The following GRK3 variants were observed in gnomAD, a reference collection of about 807,000 sequenced individuals.
GRK3 encodes the protein adrenergic, beta, receptor kinase 2.
Under a neutral mutation model 95.7 loss-of-function variants are expected in GRK3, and 54 were observed. That is an observed-to-expected ratio of 0.56 (90% CI 0.45 to 0.71). GRK3 has a LOEUF of 0.71. Ranked by LOEUF, GRK3 falls within the 30% of genes least tolerant of loss-of-function variation. GRK3 has a pLI of 0.00. For missense variants in GRK3, 649 were observed against 851.2 expected, an observed-to-expected ratio of 0.76 and a Z score of 2.96; for synonymous variants, 281 against 290.8, an observed-to-expected ratio of 0.97 and a Z score of 0.34.
intron 2 of GRK3, among the ~76,000 whole-genome samples, chr22:25,610,889 C>G (rs113518839): frequency 2.0e-5 from 3 of 151,808 alleles, no homozygotes; most frequent in African/African-American, 7.3e-5. Context: ...TGAGATAGAG[C>G]CTTGCTGTGC....
rs777315402 is a variant in GRK3, at chr22:25,704,114, G to A, written c.1233G>A (p.Val411=). The A allele has an allele frequency of 5.0e-6, 8 of 1,610,530 alleles. No individual in the cohort carries two copies. In the Admixed American group the frequency reaches 5.0e-5, roughly 10 times the overall value. ...CTTACTCGTCTTTTCCCCAGAATGT[G>A]GAACTTCCAGACACCTTCTCTCCTG... ...EIDRMTLTVN[V]ELPDTFSPEL... The change falls in exon 15 of 21, where the codon GTG becomes GTA. Residue 411 remains valine (V), a synonymous_variant. Coordinates refer to ENST00000324198, the MANE Select transcript of GRK3 (RefSeq NM_005160.4).
intron 2 of GRK3, among the ~76,000 whole-genome samples, chr22:25,618,926 C>T (rs1290156827): frequency 4.6e-5 from 7 of 152,110 alleles, no homozygotes; most frequent in Admixed American, 3.3e-4. Context: ...TCTGAAAGAC[C>T]GCAACCCTTT....
In GRK3 at chr22:25,704,209, G is replaced by C. The variant is rs2085281705; in HGVS notation, c.1328G>C (p.Gly443Ala). The change falls in exon 15 of 21, where the codon GGC becomes GCC. Residue 443 changes from glycine (G) to alanine (A), a missense_variant and splice_region_variant. Gly to Ala is a moderately conservative substitution (Grantham distance 60). Around this residue, in one of 3 missense-constraint regions of GRK3, gnomAD observed 382 missense variants for 493.8 expected, o/e 0.77. Transcript: ENST00000324198. ...VSKRLGCHGGGSQEVKEHSFF... is the reference protein window; with the variant it reads ...VSKRLGCHGGASQEVKEHSFF... ...AAGCGGCTGGGCTGTCACGGAGGCG[G>C]GTAGGCCATTGTTCCTGCCTTTCGG... 1 of 1,610,226 alleles carries C rather than the reference G, an allele frequency of 6.2e-7. No individual in the cohort carries two copies. The highest frequency in any genetic ancestry group is 8.5e-7 in the Non-Finnish European group (1 of 1,177,782).
At chr22:25,684,014 A>C (rs1442566709) in intron 9 of GRK3, among the ~76,000 whole-genome samples, 2 of 152,188 alleles carry the variant, frequency 1.3e-5, no homozygotes, top group Non-Finnish European at 2.9e-5. Flanking sequence ...AATCTACATC[A>C]GCTGGAAATG....
chr22:25,621,469 G>T (rs1601480832), intron 2 of GRK3, among the ~76,000 whole-genome samples: 2 of 152,180 alleles, frequency 1.3e-5, no homozygotes, highest in South Asian at 4.2e-4. Context: ...ACAGGAATAG[G>T]CAGAGTTAGT....
intron 9 of GRK3, among the ~76,000 whole-genome samples, chr22:25,682,385 C>A (rs902516417): frequency 6.6e-6 from 1 of 152,018 alleles, no homozygotes; most frequent in Admixed American, 6.5e-5. Flanking sequence ...CATGGAGGCT[C>A]GGAGATAGGG....
chr22:25,721,508 T>C, intron 20 of GRK3, 111 bp downstream of exon 20: 2 of 655,650 alleles, frequency 3.1e-6, no homozygotes, highest in Non-Finnish European at 5.3e-6. Context: ...CTTACAAACT[T>C]AGTAAGAAAG....
intron 6 of GRK3, among the ~76,000 whole-genome samples, chr22:25,668,111 A>C (rs1392503135): frequency 6.6e-6 from 1 of 152,226 alleles, no homozygotes; most frequent in East Asian, 1.9e-4. Context: ...AAACTTGACT[A>C]TAATTTATCT....
rs890775816 is a variant in GRK3 at position 25,726,265 on chromosome 22, T to C, written c.*3815T>C. ...GGGCCAATTCAACACATTTTACTTT[T>C]CAGTGGAATTGATTTTTCTAATGTT... On this transcript the variant is annotated 3_prime_UTR_variant, in exon 21 of 21. Transcript: ENST00000324198. 8 of 152,220 alleles carry C rather than the reference T, an allele frequency of 5.3e-5. No homozygotes were observed. The highest frequency in any genetic ancestry group is 2.1e-4 in the South Asian group (1 of 4,836). The allele number at this position is 152,220 out of a possible 1,614,324, so 9.4% of individuals were successfully genotyped here.
Position 25,727,164 on chromosome 22 carries a change from A to AT in GRK3, c.*4721dup, listed in dbSNP as rs1334352330. The AT allele has an allele frequency of 6.6e-6, 1 of 152,088 alleles. No individual in the cohort carries two copies. Among genetic ancestry groups the AT allele is most frequent in the Non-Finnish European group, 1.5e-5 (1 of 68,020 alleles). 9.4% of individuals were successfully genotyped at this position (152,088 alleles called of 1,614,324 possible). On this transcript the variant is annotated 3_prime_UTR_variant, in exon 21 of 21. Transcript: ENST00000324198. ...GCAAGACCCCATCTCTACAAAAAAA[A>AT]TTTTTTTAAGTAATTAACCGTTTAA... is the stretch of plus-strand genomic sequence containing the variant.
chr22:25,568,602 T>C (rs1931575750), intron 1 of GRK3, among the ~76,000 whole-genome samples: 1 of 152,234 alleles, frequency 6.6e-6, no homozygotes, highest in Admixed American at 6.5e-5. Flanking sequence ...TACATAGTTG[T>C]AGAGCCATTT....
intron 4 of GRK3, among the ~76,000 whole-genome samples, chr22:25,662,844 T>G (rs2084918221): frequency 6.6e-6 from 1 of 152,308 alleles, no homozygotes; most frequent in African/African-American, 2.4e-5. Context: ...TATTGTACAT[T>G]ATTAAAGAAG....
chr22:25,673,970 G>A lies in GRK3; in HGVS notation c.556-467G>A, dbSNP rs5761152. Among the ~76,000 whole-genome samples the A allele has an allele frequency of 8.0e-4, 121 of 150,336 alleles. 2 individuals carry two copies. In the East Asian group the frequency reaches 0.022, roughly 28 times the overall value. On this transcript the variant is annotated intron_variant, in intron 7 of 20. Transcript: ENST00000324198. ...ATCTGTTGGGTTTCCTGATCATATG[G>A]CCTTGTATCATGAACACATAGATGC...
At chr22:25,602,764 T>A (rs1278675976) in intron 1 of GRK3, among the ~76,000 whole-genome samples, 1 of 152,204 alleles carries the variant, frequency 6.6e-6, no homozygotes, top group African/African-American at 2.4e-5. Context: ...CATGAATCTA[T>A]GTTATTAGAA....
chr22:25,686,223 A>G (rs536321602), intron 10 of GRK3, among the ~76,000 whole-genome samples: 75 of 150,402 alleles, frequency 5.0e-4, no homozygotes, highest in Admixed American at 3.4e-3. Flanking sequence ...CTCCGTCTCA[A>G]AAAAAAAAAA....
intron 3 of GRK3, among the ~76,000 whole-genome samples, chr22:25,658,777 C>T (rs1486023554): frequency 6.6e-6 from 1 of 151,910 alleles, no homozygotes; most frequent in South Asian, 2.1e-4. Context: ...AGGGGCGTGG[C>T]GAAAGAGTGG....
chr22:25,698,987 G>A (rs2085234077), intron 13 of GRK3, among the ~76,000 whole-genome samples: 1 of 152,154 alleles, frequency 6.6e-6, no homozygotes. Context: ...AGATGATTGG[G>A]AGAATAACGA....
chr22:25,599,140 A>C (rs1325212909), intron 1 of GRK3, among the ~76,000 whole-genome samples: 1 of 152,190 alleles, frequency 6.6e-6, no homozygotes, highest in African/African-American at 2.4e-5. Context: ...CATAAGAAAA[A>C]GTTTTTGTGA....
chr22:25,694,987 T>A (rs2085195543), intron 12 of GRK3, 120 bp from the exon 13 acceptor site: 4 of 631,326 alleles, frequency 6.3e-6, no homozygotes, highest in Non-Finnish European at 1.1e-5. Flanking sequence ...AGCACAACTG[T>A]CCCCTCTCCT....
Sources: allele counts gnomAD v4.1 joint callset (sites outside exome capture counted in the v4.1 genomes callset), GRCh38; gene constraint gnomAD v4.1.1; regional missense constraint gnomAD v4.1.1; transcripts MANE v1.5; gene names NCBI Gene and HGNC (gene_info 2026-07-23, HGNC 2026-07-21).